Variants in MYO3B observed in about 807,000 individuals in gnomAD.
MYO3B encodes myosin-IIIb.
A neutral mutation model predicts 174.6 loss-of-function variants in MYO3B; 156 were observed. That is an observed-to-expected ratio of 0.89 (90% CI 0.78 to 1.02). The LOEUF (loss-of-function observed/expected upper bound fraction) is 1.02, where lower values mean the gene tolerates loss of function less well. MYO3B is among the 50% of genes least tolerant of loss of function. The pLI is 0.00. For missense variants in MYO3B, 1,632 were observed against 1,639.4 expected (o/e 1.00, Z 0.08); for synonymous variants, 563 against 569.1 (o/e 0.99, Z 0.15).
intron 9 of MYO3B, among the ~76,000 whole-genome samples, chr2:170,372,145 A>AAAAAT (rs2094253582): frequency 7.9e-6 from 1 of 127,184 alleles, no homozygotes; most frequent in Admixed American, 8.5e-5. Context: ...AAAAAAAAAA[A>AAAAAT]CAACAACAAC....
At chr2:170,338,003 A>G (rs1340075819) in intron 8 of MYO3B, 1 of 152,194 alleles carries the variant, frequency 6.6e-6, no homozygotes, top group Non-Finnish European at 1.5e-5. Flanking sequence ...GCATCCATGC[A>G]GTTAAAATCC....
At chr2:170,494,687 C>T (rs556520932) in intron 25 of MYO3B, among the ~76,000 whole-genome samples, 2 of 138,618 alleles carry the variant, frequency 1.4e-5, no homozygotes, top group African/African-American at 5.6e-5. Flanking sequence ...CAGATCACAC[C>T]GCTGTACTCC....
chr2:170,338,023 A>C (rs1336558655), intron 8 of MYO3B: 1 of 152,196 alleles, frequency 6.6e-6, no homozygotes, highest in Admixed American at 6.5e-5. Context: ...CATGTTGTTC[A>C]AGGGTCAACT....
chr2:170,426,219 A>C (rs1217806548), intron 22 of MYO3B, among the ~76,000 whole-genome samples: 1 of 151,796 alleles, frequency 6.6e-6, no homozygotes, highest in East Asian at 2.0e-4. Flanking sequence ...CATGCCTGTA[A>C]TCACAGCTAC....
chr2:170,231,711 T>C (rs887864513), intron 6 of MYO3B, among the ~76,000 whole-genome samples: 1 of 152,204 alleles, frequency 6.6e-6, no homozygotes, highest in African/African-American at 2.4e-5. Flanking sequence ...CTACAAAACA[T>C]TGGCAACAAA....
intron 32 of MYO3B, among the ~76,000 whole-genome samples, chr2:170,555,101 A>G (rs557981859): frequency 6.6e-6 from 1 of 152,268 alleles, no homozygotes; most frequent in South Asian, 2.1e-4. Context: ...TTGCGTTTTA[A>G]AAAGTTAATA....
chr2:170,612,877 CT>C (rs1287921008), intron 32 of MYO3B, among the ~76,000 whole-genome samples: 1 of 152,156 alleles, frequency 6.6e-6, no homozygotes, highest in Non-Finnish European at 1.5e-5. Context: ...TCCTTTTTCA[CT>C]TTAGAAAGAC....
chr2:170,183,199 G>A (rs1413445163), intron 1 of MYO3B, among the ~76,000 whole-genome samples: 2 of 152,120 alleles, frequency 1.3e-5, no homozygotes, highest in African/African-American at 4.8e-5. Flanking sequence ...AGAGGTTGCA[G>A]TGAGCTGAGA....
At chr2:170,522,311 A>G (rs954503228) in intron 30 of MYO3B, among the ~76,000 whole-genome samples, 1 of 151,628 alleles carries the variant, frequency 6.6e-6, no homozygotes, top group Non-Finnish European at 1.5e-5. Flanking sequence ...CTCCTAAAGC[A>G]CCTCCTCCAC....
intron 30 of MYO3B, among the ~76,000 whole-genome samples, chr2:170,533,186 G>A (rs1400067839): frequency 6.6e-6 from 1 of 151,972 alleles, no homozygotes; most frequent in Non-Finnish European, 1.5e-5. Flanking sequence ...CTGTGACATT[G>A]CTGACTAGTC....
chr2:170,536,342 TTAAAA>T (rs1422687070), intron 30 of MYO3B, among the ~76,000 whole-genome samples: 1 of 152,238 alleles, frequency 6.6e-6, no homozygotes, highest in African/African-American at 2.4e-5. Context: ...GTTCTAAAAC[TTAAAA>T]TAATTGTGTG....
chr2:170,199,905 A>G (rs926337369), intron 2 of MYO3B, among the ~76,000 whole-genome samples: 5 of 152,234 alleles, frequency 3.3e-5, no homozygotes, highest in African/African-American at 4.8e-5. Flanking sequence ...AAAATATCAT[A>G]AACATTATTG....
At chr2:170,390,067 A>G (rs1414609283) in intron 14 of MYO3B, among the ~76,000 whole-genome samples, 1 of 152,208 alleles carries the variant, frequency 6.6e-6, no homozygotes, top group Non-Finnish European at 1.5e-5. Flanking sequence ...TTCATTGAAT[A>G]GTCACATTTT....
intron 1 of MYO3B, among the ~76,000 whole-genome samples, chr2:170,184,382 T>G (rs1012006632): frequency 2.0e-5 from 3 of 152,122 alleles, no homozygotes; most frequent in Admixed American, 6.6e-5. Flanking sequence ...CTACTCTGTC[T>G]CCATGAGTTC....
chr2:170,406,325 A>G (rs139499877), intron 21 of MYO3B, among the ~76,000 whole-genome samples: 1,803 of 152,240 alleles, frequency 0.012, 45 homozygotes, highest in African/African-American at 0.041. Flanking sequence ...TCAATAAAAG[A>G]CATTTTTGAT....
chr2:170,491,011 C>T (rs1299247002), intron 25 of MYO3B, among the ~76,000 whole-genome samples: 4 of 151,928 alleles, frequency 2.6e-5, no homozygotes, highest in Admixed American at 2.0e-4. Context: ...ATCAGAAAAC[C>T]AGCTTTTGGT....
At chr2:170,534,379 C>T (rs921354791) in intron 30 of MYO3B, among the ~76,000 whole-genome samples, 4 of 152,152 alleles carry the variant, frequency 2.6e-5, no homozygotes, top group Admixed American at 6.5e-5. Context: ...TAGAACAAAA[C>T]CCACAGTATC....
At chr2:170,577,998 GCA>G (rs1358916200) in intron 32 of MYO3B, among the ~76,000 whole-genome samples, 2 of 152,306 alleles carry the variant, frequency 1.3e-5, no homozygotes, top group Non-Finnish European at 2.9e-5. Context: ...ACGTTTACAT[GCA>G]CACACAGGTA....
At chr2:170,647,849 TAAA>T (rs1698497110) in intron 32 of MYO3B, 1 of 152,092 alleles carries the variant, frequency 6.6e-6, no homozygotes, top group Non-Finnish European at 1.5e-5. Flanking sequence ...ACAATATAAA[TAAA>T]AACCTCTGAT....
Sources: gnomAD v4.1 joint callset for allele counts (sites outside exome capture counted in the v4.1 genomes callset) on GRCh38, gnomAD v4.1.1 for gene constraint, MANE v1.5 for transcripts, NCBI Gene and HGNC (gene_info 2026-07-23, HGNC 2026-07-21) for gene names.